The following NELL1 variants were observed in gnomAD, a reference collection of about 807,000 sequenced individuals.
NELL1 encodes the protein neural EGFL like 1, also known as protein kinase C-binding protein NELL1.
NELL1 carries 76 observed loss-of-function variants against 107.4 expected under a neutral mutation model. The observed-to-expected ratio is 0.71, with a 90% CI of 0.59 to 0.86. The LOEUF (loss-of-function observed/expected upper bound fraction) is 0.86. Among genes scored for constraint, NELL1 ranks in the 40% least tolerant of loss-of-function variants. The pLI, the probability that NELL1 is intolerant of heterozygous loss-of-function variation, is 0.00. For synonymous variants in NELL1, 353 were observed against 341.2 expected, an observed-to-expected ratio of 1.03 and a Z score of -0.38; for missense variants, 1,024 against 1,005.5, an observed-to-expected ratio of 1.02 and a Z score of -0.25.
chr11:20,757,141 C>T (rs1384096430), intron 2 of NELL1, among the ~76,000 whole-genome samples: 3 of 151,266 alleles, frequency 2.0e-5, no homozygotes, highest in Non-Finnish European at 4.4e-5. Flanking sequence ...TTTTCTCTGG[C>T]TTCATTTTCC....
intron 16 of NELL1, among the ~76,000 whole-genome samples, chr11:21,540,960 T>G (rs2133978413): frequency 6.6e-6 from 1 of 152,222 alleles, no homozygotes; most frequent in East Asian, 1.9e-4. Context: ...AATAAAAATT[T>G]CTCCCCTCTT....
intron 15 of NELL1, among the ~76,000 whole-genome samples, chr11:21,435,634 T>A (rs1853092992): frequency 6.6e-6 from 1 of 152,192 alleles, no homozygotes; most frequent in Non-Finnish European, 1.5e-5. Flanking sequence ...CATTATTGAT[T>A]TGCATAAGTT....
At chr11:21,425,096 G>T (rs1241411185) in intron 15 of NELL1, among the ~76,000 whole-genome samples, 2 of 152,108 alleles carry the variant, frequency 1.3e-5, no homozygotes, top group Non-Finnish European at 2.9e-5. Flanking sequence ...GACCAAGTGG[G>T]ATTTATTCCT....
chr11:20,851,132 TA>T (rs1848787601), intron 4 of NELL1, among the ~76,000 whole-genome samples: 1 of 152,218 alleles, frequency 6.6e-6, no homozygotes, highest in African/African-American at 2.4e-5. Context: ...ATGAGAACTC[TA>T]AAATCGAGAA....
intron 14 of NELL1, among the ~76,000 whole-genome samples, chr11:21,321,549 G>A (rs76178643): frequency 6.6e-6 from 1 of 152,128 alleles, no homozygotes; most frequent in African/African-American, 2.4e-5. Flanking sequence ...TAGAATAGGA[G>A]AGAGCTTATT....
At chr11:21,391,203 T>G (rs1394681768) in intron 15 of NELL1, among the ~76,000 whole-genome samples, 1 of 151,836 alleles carries the variant, frequency 6.6e-6, no homozygotes, top group African/African-American at 2.4e-5. Context: ...GTCACATTTT[T>G]TAGTACAACT....
intron 4 of NELL1, among the ~76,000 whole-genome samples, chr11:20,867,016 C>T (rs557891418): frequency 2.4e-4 from 36 of 152,258 alleles, no homozygotes; most frequent in Middle Eastern, 3.4e-3. Context: ...AATTCTGGGT[C>T]TTTAAGGAGC....
At chr11:21,078,563 T>G (rs1452383621) in intron 12 of NELL1, among the ~76,000 whole-genome samples, 2 of 152,146 alleles carry the variant, frequency 1.3e-5, no homozygotes, top group Admixed American at 1.3e-4. Context: ...GCATATTAAA[T>G]TTTATATTTC....
chr11:21,531,901 A>G (rs1444054835), intron 15 of NELL1, among the ~76,000 whole-genome samples: 2 of 152,248 alleles, frequency 1.3e-5, no homozygotes, highest in East Asian at 1.9e-4. Context: ...AGTGTTTTCT[A>G]TATTTGGGTC....
At chr11:20,972,991 C>G (rs574754550) in intron 12 of NELL1, among the ~76,000 whole-genome samples, 8 of 151,754 alleles carry the variant, frequency 5.3e-5, no homozygotes, top group African/African-American at 1.9e-4. Flanking sequence ...CTGGCTATTT[C>G]ATCTTTATCA....
intron 13 of NELL1, among the ~76,000 whole-genome samples, chr11:21,213,476 ATTGAATC>A (rs1195008790): frequency 1.3e-5 from 2 of 152,168 alleles, no homozygotes; most frequent in Non-Finnish European, 2.9e-5. Flanking sequence ...AATCAATTGA[ATTGAATC>A]GACTGAATCA....
chr11:21,211,812 A>AT (rs879360138), intron 13 of NELL1, among the ~76,000 whole-genome samples: 28 of 151,570 alleles, frequency 1.8e-4, no homozygotes, highest in African/African-American at 3.9e-4. Context: ...TGCTGCTTCT[A>AT]TTTTTTTTGT....
At chr11:21,557,216 T>C (rs1856736638) in intron 16 of NELL1, among the ~76,000 whole-genome samples, 1 of 152,032 alleles carries the variant, frequency 6.6e-6, no homozygotes, top group Non-Finnish European at 1.5e-5. Context: ...AGTAAAGCAA[T>C]TACATGGAAC....
At chr11:21,055,483 T>C (rs1853590338) in intron 12 of NELL1, among the ~76,000 whole-genome samples, 1 of 152,172 alleles carries the variant, frequency 6.6e-6, no homozygotes, top group Non-Finnish European at 1.5e-5. Context: ...TTAATAAAAT[T>C]TTGAAGCTTA....
intron 15 of NELL1, among the ~76,000 whole-genome samples, chr11:21,389,630 A>G (rs1289487794): frequency 2.0e-5 from 3 of 151,846 alleles, no homozygotes; most frequent in South Asian, 2.1e-4. Flanking sequence ...CCAACACTCC[A>G]GGTCAGTTTT....
At chr11:21,346,608 T>C (rs1338121994) in intron 14 of NELL1, among the ~76,000 whole-genome samples, 1 of 148,108 alleles carries the variant, frequency 6.8e-6, no homozygotes, top group Admixed American at 6.8e-5. Context: ...GTATGATATT[T>C]GATATATATG....
chr11:21,318,610 A>T lies in NELL1; in HGVS notation c.1550-52243A>T, dbSNP rs916490873. Among the ~76,000 whole-genome samples the T allele has an allele frequency of 4.2e-4, 64 of 151,180 alleles. 1 individual carries two copies. The highest frequency in any genetic ancestry group is 3.4e-3 in the Middle Eastern group (1 of 294). On this transcript the variant is annotated intron_variant, in intron 14 of 19. Transcript: ENST00000357134. ...TTAATATAACCAGTTTATCAATTAA[A>T]CATTTATTTATCTTCTTCACTAGTG...
chr11:21,116,968 C>A (rs1419436464), intron 13 of NELL1, among the ~76,000 whole-genome samples: 2 of 152,000 alleles, frequency 1.3e-5, no homozygotes, highest in African/African-American at 2.4e-5. Flanking sequence ...CAATATATAA[C>A]CCTATATAGT....
intron 2 of NELL1, among the ~76,000 whole-genome samples, chr11:20,711,734 TCTG>T (rs569399887): frequency 9.6e-4 from 146 of 152,320 alleles, no homozygotes; most frequent in African/African-American, 3.4e-3. Context: ...TTGAAAAGTT[TCTG>T]CTAAGAAATC....
Sources: allele counts gnomAD v4.1 joint callset (sites outside exome capture counted in the v4.1 genomes callset), GRCh38; gene constraint gnomAD v4.1.1; transcripts MANE v1.5; gene names NCBI Gene and HGNC (gene_info 2026-07-23, HGNC 2026-07-21).